TPRG1: variants seen among roughly 807,000 people sequenced by gnomAD.
The protein encoded by TPRG1 is tumor protein p63-regulated gene 1 protein.
TPRG1 carries 29 observed loss-of-function variants against 29.3 expected under a neutral mutation model. The ratio of observed to expected loss-of-function variants is 0.99; its 90% CI spans 0.74 to 1.35. TPRG1 has a LOEUF of 1.35. Among genes scored for constraint, TPRG1 ranks in the 40% most tolerant of loss-of-function variants. The pLI is 0.00. For synonymous variants in TPRG1, 130 were observed against 116.8 expected, an observed-to-expected ratio of 1.11 and a Z score of -0.73; for missense variants, 327 against 335.0, an observed-to-expected ratio of 0.98 and a Z score of 0.19.
upstream of TPRG1, among the ~76,000 whole-genome samples, chr3:189,167,026 T>A (rs115210704): frequency 0.016 from 2,431 of 152,328 alleles, 65 homozygotes; most frequent in African/African-American, 0.056. Context: ...CTGCTCACAG[T>A]GTGAACTGGC....
chr3:189,231,631 C>T (rs1322433043), intron 3 of TPRG1, among the ~76,000 whole-genome samples: 4 of 152,194 alleles, frequency 2.6e-5, no homozygotes, highest in Admixed American at 1.3e-4. Context: ...ATGCTGGAGA[C>T]GTGAAAACCA....
At chr3:189,127,741 C>T (rs1170041561) in intron 2 of TPRG1, among the ~76,000 whole-genome samples, 1 of 152,144 alleles carries the variant, frequency 6.6e-6, no homozygotes, top group Non-Finnish European at 1.5e-5. Flanking sequence ...AAGAGATGGC[C>T]TCTGGGTAGA....
At chr3:189,081,854 G>C (rs1560433119) in intron 4 of TPRG1, among the ~76,000 whole-genome samples, 1 of 152,048 alleles carries the variant, frequency 6.6e-6, no homozygotes. Context: ...ATTCTGTATT[G>C]ATGAAACTTT....
At chr3:188,999,009 A>G (rs1209764436) in intron 1 of TPRG1, among the ~76,000 whole-genome samples, 1 of 152,220 alleles carries the variant, frequency 6.6e-6, no homozygotes, top group Non-Finnish European at 1.5e-5. Flanking sequence ...GTTTGAGGTG[A>G]TGAGTATCCT....
Position 189,237,624 on chromosome 3 carries a change from C to T in TPRG1, c.303-1109C>T, listed in dbSNP as rs80168152. Among the ~76,000 whole-genome samples the T allele has an allele frequency of 5.5e-3, 829 of 152,082 alleles. 6 individuals are homozygous for T. Among genetic ancestry groups the T allele is most frequent in the African/African-American group, 0.018 (750 of 41,490 alleles). Reference sequence around the variant, plus strand: ...CTCTGAGATGACCCTGAGTAGAGGCCGGATTATACAGGCGTGTAGTCCATG... The same window carrying T: ...CTCTGAGATGACCCTGAGTAGAGGCTGGATTATACAGGCGTGTAGTCCATG... On this transcript the variant is annotated intron_variant, in intron 3 of 5. Coordinates refer to ENST00000345063, the MANE Select transcript of TPRG1 (RefSeq NM_198485.4).
chr3:189,062,105 C>T (rs1319209408), intron 4 of TPRG1, among the ~76,000 whole-genome samples: 1 of 152,168 alleles, frequency 6.6e-6, no homozygotes, highest in East Asian at 1.9e-4. Context: ...ACTGTGCAGC[C>T]ATATAAAAGA....
chr3:189,310,441 C>G lies in TPRG1; in HGVS notation c.535C>G (p.Leu179Val), dbSNP rs1366926928. The G allele has an allele frequency of 6.2e-7, 1 of 1,611,970 alleles. No individual in the cohort carries two copies. The highest frequency in any genetic ancestry group is 1.7e-5 in the Admixed American group (1 of 59,904). ...YWGSPEEQSLLSRWNPWSTEV... is the reference protein window; with the variant it reads ...YWGSPEEQSLVSRWNPWSTEV... The stretch of plus-strand genomic sequence containing the variant: ...GGGGAGTCCGGAGGAGCAGTCTCTT[C>G]TGTCCCGCTGGAACCCATGGTCCAC... Residue 179 changes from leucine to valine, a missense_variant, in exon 5 of 6, where the codon CTG becomes GTG. Transcript: ENST00000345063.
rs1417915385 is a variant in TPRG1 at position 189,145,691 on chromosome 3, A to T, written c.-290-1893A>T. Among the ~76,000 whole-genome samples the T allele has an allele frequency of 7.9e-5, 12 of 152,338 alleles. No individual in the cohort carries two copies. In the Middle Eastern group the frequency reaches 0.01, roughly 130 times the overall value. On this transcript the variant is annotated intron_variant, in intron 3 of 6. Coordinates refer to the TPRG1 transcript ENST00000412373. ...AGCAATAACATTAATAATAACAGCAAATTAATATCTAAAATGATCTAGAAC... is the reference window on the plus strand; with the variant it reads ...AGCAATAACATTAATAATAACAGCATATTAATATCTAAAATGATCTAGAAC...
At chr3:189,129,672 T>G (rs1433844955) in intron 2 of TPRG1, among the ~76,000 whole-genome samples, 1 of 152,212 alleles carries the variant, frequency 6.6e-6, no homozygotes, top group African/African-American at 2.4e-5. Flanking sequence ...ATTTATTAAC[T>G]GAAACTCTCT....
At chr3:189,280,392 T>C (rs549642768) in intron 4 of TPRG1, among the ~76,000 whole-genome samples, 2 of 152,336 alleles carry the variant, frequency 1.3e-5, no homozygotes, top group South Asian at 4.1e-4. Context: ...TAGGATAAAA[T>C]GTTTTTTGTA....
At chr3:189,113,035 A>C (rs1017412638) in intron 1 of TPRG1, among the ~76,000 whole-genome samples, 4 of 151,954 alleles carry the variant, frequency 2.6e-5, no homozygotes, top group African/African-American at 4.8e-5. Flanking sequence ...ATTTGTTTGT[A>C]TCCTCTTTTA....
intron 4 of TPRG1, among the ~76,000 whole-genome samples, chr3:189,085,542 G>A (rs920708557): frequency 6.6e-6 from 1 of 152,010 alleles, no homozygotes; most frequent in Non-Finnish European, 1.5e-5. Flanking sequence ...GGAGATAGCT[G>A]TTGCTGTCTG....
intron 5 of TPRG1, among the ~76,000 whole-genome samples, chr3:189,157,562 T>A (rs1726859152): frequency 6.6e-6 from 1 of 152,162 alleles, no homozygotes; most frequent in Non-Finnish European, 1.5e-5. Flanking sequence ...GGCCACCTTC[T>A]GTTCTGGTTT....
At chr3:189,012,198 C>A (rs1195546252) in intron 3 of TPRG1, among the ~76,000 whole-genome samples, 1 of 152,150 alleles carries the variant, frequency 6.6e-6, no homozygotes, top group Non-Finnish European at 1.5e-5. Flanking sequence ...ACAGAGCAAC[C>A]TTGTGTTGTG....
chr3:189,180,856 C>T (rs1730119979), intron 1 of TPRG1, among the ~76,000 whole-genome samples: 2 of 152,192 alleles, frequency 1.3e-5, no homozygotes, highest in South Asian at 4.1e-4. Context: ...TTCCACACTG[C>T]CTTAGAGGAG....
intron 4 of TPRG1, among the ~76,000 whole-genome samples, chr3:189,268,342 A>C (rs1367617581): frequency 1.3e-5 from 2 of 152,164 alleles, no homozygotes; most frequent in Non-Finnish European, 2.9e-5. Context: ...ATTTCTTGGC[A>C]AATCTCCGTG....
intron 4 of TPRG1, among the ~76,000 whole-genome samples, chr3:189,046,891 AAAC>A (rs1219963972): frequency 3.9e-5 from 6 of 152,182 alleles, no homozygotes; most frequent in Admixed American, 6.5e-5. Flanking sequence ...CCTTAAAGAA[AAAC>A]AACAACAACA....
At chr3:189,266,253 T>A (rs560448614) in intron 4 of TPRG1, among the ~76,000 whole-genome samples, 1 of 152,326 alleles carries the variant, frequency 6.6e-6, no homozygotes, top group South Asian at 2.1e-4. Context: ...ATTAGCTTCC[T>A]TTTACTTTCC....
At chr3:189,231,674 T>G (rs1738678449) in intron 3 of TPRG1, among the ~76,000 whole-genome samples, 1 of 152,190 alleles carries the variant, frequency 6.6e-6, no homozygotes, top group African/African-American at 2.4e-5. Flanking sequence ...TTTTACAAGA[T>G]TATACAGCTA....
Sources: allele counts gnomAD v4.1 joint callset (sites outside exome capture counted in the v4.1 genomes callset), GRCh38; gene constraint gnomAD v4.1.1; transcripts MANE v1.5; gene names NCBI Gene and HGNC (gene_info 2026-07-23, HGNC 2026-07-21).